The following TBL3 variants were observed in gnomAD, a reference collection of about 807,000 sequenced individuals.
TBL3 encodes transducin beta-like protein 3.
In TBL3, 71 loss-of-function variants were observed where a neutral mutation model predicts 102.7. The ratio of observed to expected loss-of-function variants is 0.69; its 90% CI spans 0.57 to 0.84. TBL3 has a LOEUF of 0.84. Ranked by LOEUF, TBL3 falls within the 40% of genes least tolerant of loss-of-function variation. The probability of loss-of-function intolerance (pLI) is 0.00; values close to 1 mark genes in which losing one functional copy is unlikely to be tolerated. For missense variants in TBL3, 1,188 were observed against 1,098.5 expected (o/e 1.08, Z -1.15); for synonymous variants, 578 against 477.7 (o/e 1.21, Z -2.74).
rs751514717 is a variant in TBL3 at position 1,975,390 on chromosome 16, C to A, written c.757C>A (p.Leu253Met). 1.1e-5 allele frequency: 17 copies of A among 1,613,898 alleles called. No individual in the cohort carries two copies. In the African/African-American group the frequency reaches 1.9e-4, roughly 18 times the overall value. The change falls in exon 9 of 22, where the codon CTG (leucine) becomes ATG (methionine). Residue 253 changes from leucine (L) to methionine (M), a missense_variant. Coordinates refer to ENST00000568546, the MANE Select transcript of TBL3 (RefSeq NM_006453.3). ...VLLPEEPVSQ[L>M]GVKSPGLYFL... ...GTTGCCAGAGGAGCCAGTGTCCCAG[C>A]TGGGTGTGAAGTCCCCAGGGCTGTA...
At position 1,980,185 on chromosome 16, in the gene TBL3, G is replaced by A. The variant is rs1050563771; in HGVS notation, c.*1500G>A. 6.3e-7 allele frequency: 1 copy of A among 1,595,972 alleles called. No homozygotes were observed. Among genetic ancestry groups the A allele is most frequent in the African/African-American group, 1.3e-5 (1 of 74,910 alleles). On this transcript the variant is annotated 3_prime_UTR_variant, in exon 22 of 22. Transcript: ENST00000568546. ...TGGGGTGGGCAGGATCACCCGGCTG[G>A]GAAGGGCAGCCCGTACGAGTGAGAG...
In TBL3 at chr16:1,972,184, G is replaced by A. The variant is rs1418030194; in HGVS notation, c.20G>A (p.Gly7Glu). 1 of 1,428,904 alleles carries A rather than the reference G, an allele frequency of 7.0e-7. No homozygotes were observed. The highest frequency in any genetic ancestry group is 9.2e-7 in the Non-Finnish European group (1 of 1,088,898). 88.5% of individuals were successfully genotyped at this position (1,428,904 alleles called of 1,614,324 possible). ...GGCAACATGGCAGAGACCGCGGCCG[G>A]AGTGGGCCGCTTCAAGACCAAGTGA... is the stretch of plus-strand genomic sequence containing the variant. MAETAA[G>E]VGRFKTNYAV... The change falls in exon 1 of 22, where the codon GGA (glycine) becomes GAA (glutamate). Residue 7 changes from glycine (G) to glutamate (E), a missense_variant. Gly to Glu is a moderately conservative substitution (Grantham distance 98, BLOSUM62 -2). Coordinates refer to ENST00000568546, the MANE Select transcript of TBL3 (RefSeq NM_006453.3).
rs368817007 is a variant in TBL3 at position 1,975,499 on chromosome 16, G to A, written c.806-30G>A. ...CTGGGGAAGGCCTGTGGACCTGAGA[G>A]TCTCAGCAGCCCTGTCCCCACCCAC... On this transcript the variant is annotated intron_variant, in intron 9 of 21. Coordinates refer to ENST00000568546, the MANE Select transcript of TBL3 (RefSeq NM_006453.3). The A allele has an allele frequency of 9.8e-5, 157 of 1,601,808 alleles. 1 individual carries two copies. The highest frequency in any genetic ancestry group is 1.2e-4 in the Non-Finnish European group (136 of 1,175,642).
In TBL3 at chr16:1,978,774, G is replaced by A; in HGVS notation, c.*89G>A. On this transcript the variant is annotated 3_prime_UTR_variant, in exon 22 of 22. Transcript: ENST00000568546. ...GCCGGCTCTGTCTCTCTGGACTGCA[G>A]TCCAGCCCCCCACCCTGGCCAACAC... The A allele has an allele frequency of 1.3e-6, 2 of 1,501,496 alleles. No individual in the cohort carries two copies. Among genetic ancestry groups the A allele is most frequent in the Non-Finnish European group, 1.8e-6 (2 of 1,109,436 alleles). 93.0% of individuals were successfully genotyped at this position (1,501,496 alleles called of 1,614,324 possible). A position where few individuals can be genotyped will look rare whatever the true frequency, so the allele number is the denominator to read the frequency against.
rs748702380 is a variant in TBL3 at position 1,975,331 on chromosome 16, CA to C, written c.712-12del. ...GGGGGCATGATAGCAGCCTGTGACC[CA>C]ATTCGTCTCCAGAGCGTGGAGGCTG... On this transcript the variant is annotated splice_polypyrimidine_tract_variant and intron_variant, in intron 8 of 21. Transcript: ENST00000568546. The C allele has an allele frequency of 7.5e-5, 121 of 1,613,910 alleles. No individual in the cohort carries two copies. Among genetic ancestry groups the C allele is most frequent in the Non-Finnish European group, 9.7e-5 (115 of 1,180,022 alleles).
At chr16:1,972,951 G>A (rs928498323) in intron 1 of TBL3, among the ~76,000 whole-genome samples, 1 of 152,190 alleles carries the variant, frequency 6.6e-6, no homozygotes, top group Non-Finnish European at 1.5e-5. Context: ...GGGGAAGATA[G>A]GAAACCCGTC....
Position 1,977,383 on chromosome 16 carries a change from C to T in TBL3, c.1699C>T (p.Leu567=). ...KTFEGHDASV[L]KVAFVSRGTQ... ...ATTTGAGGGGCACGATGCTTCTGTG[C>T]TGAAGGTGGCCTTTGTGAGCCGTGG... The change falls in exon 16 of 22, where the codon CTG becomes TTG. Residue 567 remains leucine (L), a synonymous_variant. Transcript: ENST00000568546. 6.2e-7 allele frequency: 1 copy of T among 1,611,840 alleles called. No homozygotes were observed.
In TBL3 at chr16:1,978,708, C is replaced by T. The variant is rs779273392; in HGVS notation, c.*23C>T. On this transcript the variant is annotated 3_prime_UTR_variant, in exon 22 of 22. Transcript: ENST00000568546. ...TAGCCGGTCCGGCCTCTCTCCAGTCCATCCTGAACCCCTGGAAAACCCATA... is the reference window on the plus strand; with the variant it reads ...TAGCCGGTCCGGCCTCTCTCCAGTCTATCCTGAACCCCTGGAAAACCCATA... 3.1e-6 allele frequency: 5 copies of T among 1,592,786 alleles called. No individual in the cohort carries two copies. The highest frequency in any genetic ancestry group is 4.3e-6 in the Non-Finnish European group (5 of 1,164,902).
chr16:1,974,580 G>A lies in TBL3; in HGVS notation c.280G>A (p.Ala94Thr), dbSNP rs375659839. The change falls in exon 5 of 22, where the codon GCC (alanine) becomes ACC (threonine). Residue 94 changes from alanine (A) to threonine (T), a missense_variant. Transcript: ENST00000568546. ...ASRALLLAQW[A>T]WQEGSVTRLW... ...TCGGGCATTGCTGCTGGCTCAGTGGGCCTGGCAAGAGGGCAGCGTTACCCG... is the reference window on the plus strand; with the variant it reads ...TCGGGCATTGCTGCTGGCTCAGTGGACCTGGCAAGAGGGCAGCGTTACCCG... 147 of 1,611,000 alleles carry A rather than the reference G, an allele frequency of 9.1e-5. No homozygotes were observed. The highest frequency in any genetic ancestry group is 1.2e-4 in the Non-Finnish European group (136 of 1,178,380).
Position 1,976,937 on chromosome 16 carries a change from G to A in TBL3, c.1416G>A (p.Gln472=). 3 of 1,613,940 alleles carry A rather than the reference G, an allele frequency of 1.9e-6. No individual in the cohort carries two copies. The highest frequency in any genetic ancestry group is 2.5e-6 in the Non-Finnish European group (3 of 1,180,020). Residue 472 remains glutamine (Q), a synonymous_variant, in exon 14 of 22, where the codon CAG becomes CAA. Coordinates refer to ENST00000568546, the MANE Select transcript of TBL3 (RefSeq NM_006453.3). ...ACGGCCCTATCCTCCTGCAGGCCCA[G>A]ACCACTCAGCGCTGCCATGATAAGG... The part of the protein sequence containing the change: ...PDNGPILLQA[Q]TTQRCHDKDI...
In TBL3 at chr16:1,979,302, T is replaced by G; in HGVS notation, c.*617T>G. ...CCCGCTCAGGAGAGCGCCCAGCCCT[T>G]CCGGCCGCAGCAGCACCGCGGGGAG... On this transcript the variant is annotated 3_prime_UTR_variant, in exon 22 of 22. Transcript: ENST00000568546. 1 of 1,566,646 alleles carries G rather than the reference T, an allele frequency of 6.4e-7. No individual in the cohort carries two copies. Among genetic ancestry groups the G allele is most frequent in the South Asian group, 1.2e-5 (1 of 86,912 alleles).
intron 1 of TBL3, among the ~76,000 whole-genome samples, chr16:1,973,765 G>A (rs1235744744): frequency 6.6e-6 from 1 of 152,176 alleles, no homozygotes; most frequent in Non-Finnish European, 1.5e-5. Context: ...GGCTCTCACT[G>A]GGGAATCCCT....
rs755164000 is a variant in TBL3, at chr16:1,976,216, G to A, written c.1194G>A (p.Gln398=). The A allele has an allele frequency of 5.0e-6, 8 of 1,614,186 alleles. No individual in the cohort carries two copies. The highest frequency in any genetic ancestry group is 1.3e-5 in the African/African-American group (1 of 75,072). Residue 398 remains glutamine, a synonymous_variant, in exon 13 of 22, where the codon CAG becomes CAA. Coordinates refer to ENST00000568546, the MANE Select transcript of TBL3 (RefSeq NM_006453.3). ...CCTCAACTCCCTGTCCCCAGGATCA[G>A]AGCGTCCGTATCTGGAGAATGAACA... ...GWLFASCAKD[Q]SVRIWRMNKA...
chr16:1,975,395 T>C lies in TBL3; in HGVS notation c.762T>C (p.Gly254=). 1 of 1,613,842 alleles carries C rather than the reference T, an allele frequency of 6.2e-7. No individual in the cohort carries two copies. The highest frequency in any genetic ancestry group is 8.5e-7 in the Non-Finnish European group (1 of 1,179,976). Residue 254 remains glycine, a synonymous_variant, in exon 9 of 22, where the codon GGT becomes GGC. Transcript: ENST00000568546. The part of the protein sequence containing the change: ...LLPEEPVSQL[G]VKSPGLYFLT... ...CAGAGGAGCCAGTGTCCCAGCTGGG[T>C]GTGAAGTCCCCAGGGCTGTACTTTC...
At chr16:1,976,602 C>T (rs1371609931) in intron 13 of TBL3, among the ~76,000 whole-genome samples, 1 of 152,180 alleles carries the variant, frequency 6.6e-6, no homozygotes, top group Non-Finnish European at 1.5e-5. Flanking sequence ...GGCACAGGGT[C>T]CTGTGGCTAG....
intron 13 of TBL3, 98 bp from the exon 14 acceptor site, chr16:1,976,716 G>A (rs929444791): frequency 1.2e-4 from 184 of 1,478,668 alleles, no homozygotes; most frequent in Non-Finnish European, 1.6e-4. Context: ...CAGGCCCCGT[G>A]GTCTGGACCG....
In TBL3 at chr16:1,979,514, G is replaced by T. The variant is rs200875428; in HGVS notation, c.*829G>T. Reference sequence around the variant, plus strand: ...ACAGCTCATCTGCGCGGCTGCTCTCGTAGGCGCGGGAAGCACAGAACTGGG... The same window carrying T: ...ACAGCTCATCTGCGCGGCTGCTCTCTTAGGCGCGGGAAGCACAGAACTGGG... On this transcript the variant is annotated 3_prime_UTR_variant, in exon 22 of 22. Coordinates refer to ENST00000568546, the MANE Select transcript of TBL3 (RefSeq NM_006453.3). 33 of 1,611,510 alleles carry T rather than the reference G, an allele frequency of 2.0e-5. 1 individual carries two copies. Among genetic ancestry groups the T allele is most frequent in the Admixed American group, 1.2e-4 (7 of 59,894 alleles).
At position 1,974,091 on chromosome 16, in the gene TBL3, A is replaced by C. The variant is rs1051239937; in HGVS notation, c.77A>C (p.Lys26Thr). 6 of 1,584,204 alleles carry C rather than the reference A, an allele frequency of 3.8e-6. No individual in the cohort carries two copies. The highest frequency in any genetic ancestry group is 5.2e-6 in the Non-Finnish European group (6 of 1,159,832). The part of the protein sequence containing the change: ...AVERKIEPFY[K>T]GGKAQLDQTG... ...GAGCGCAAAATTGAGCCTTTCTACA[A>C]GGGCGGAAAAGCACAGGTACCAGCC... Residue 26 changes from lysine to threonine, a missense_variant, in exon 2 of 22, where the codon AAG becomes ACG. Transcript: ENST00000568546.
rs575618330 is a variant in TBL3 at position 1,974,859 on chromosome 16, G to A, written c.464+12G>A. On this transcript the variant is annotated intron_variant, in intron 6 of 21. Coordinates refer to ENST00000568546, the MANE Select transcript of TBL3 (RefSeq NM_006453.3). ...CCCGGTGTCGTGCAGTGAGTTGGAAGGTGGAGGGGGAGGGCAGAGGCACCA... is the reference window on the plus strand; with the variant it reads ...CCCGGTGTCGTGCAGTGAGTTGGAAAGTGGAGGGGGAGGGCAGAGGCACCA... 69 of 1,613,090 alleles carry A rather than the reference G, an allele frequency of 4.3e-5. No individual in the cohort carries two copies. Among genetic ancestry groups the A allele is most frequent in the South Asian group, 2.0e-4 (18 of 91,088 alleles).
Sources: gnomAD v4.1 joint callset for allele counts (sites outside exome capture counted in the v4.1 genomes callset) on GRCh38, gnomAD v4.1.1 for gene constraint, MANE v1.5 for transcripts, NCBI Gene and HGNC (gene_info 2026-07-23, HGNC 2026-07-21) for gene names.